ZFYVE9: variants seen among roughly 807,000 people sequenced by gnomAD.
ZFYVE9 encodes the protein zinc finger FYVE-type containing 9.
Under a neutral mutation model 126.7 loss-of-function variants are expected in ZFYVE9, and 43 were observed. That is an observed-to-expected ratio of 0.34 (90% confidence interval 0.27 to 0.44). The LOEUF (loss-of-function observed/expected upper bound fraction) is 0.44. Ranked by LOEUF, ZFYVE9 falls within the 20% of genes least tolerant of loss-of-function variation. The probability of loss-of-function intolerance (pLI) is 1.00; values close to 1 mark genes in which losing one functional copy is unlikely to be tolerated. For missense variants in ZFYVE9, 1,476 were observed against 1,697.0 expected, an observed-to-expected ratio of 0.87 and a Z score of 2.29; for synonymous variants, 521 against 597.4, an observed-to-expected ratio of 0.87 and a Z score of 1.87.
chr1:52,191,108 T>C (rs1325598849), intron 1 of ZFYVE9, among the ~76,000 whole-genome samples: 1 of 152,014 alleles, frequency 6.6e-6, no homozygotes, highest in African/African-American at 2.4e-5. Flanking sequence ...CTGGCTAATT[T>C]TTGTATTTTT....
chr1:52,263,113 C>T (rs995058851), intron 4 of ZFYVE9, among the ~76,000 whole-genome samples: 3 of 144,668 alleles, frequency 2.1e-5, no homozygotes, highest in African/African-American at 7.7e-5. Flanking sequence ...GAAATCTTAA[C>T]AGGAACAAAG....
chr1:52,219,749 T>TTTTG (rs1553126028), intron 2 of ZFYVE9, among the ~76,000 whole-genome samples: 4 of 113,344 alleles, frequency 3.5e-5, no homozygotes, highest in African/African-American at 1.4e-4. Context: ...CCAAGATCTT[T>TTTTG]TGTGTGTGTG....
intron 4 of ZFYVE9, 149 bp downstream of exon 4, chr1:52,239,744 A>G (rs17107118): frequency 5.6e-6 from 5 of 900,310 alleles, no homozygotes; most frequent in Non-Finnish European, 8.0e-6. Flanking sequence ...AAATTTCTAT[A>G]TAAAAAATGA....
At chr1:52,228,376 G>T (rs1645188700) in intron 2 of ZFYVE9, among the ~76,000 whole-genome samples, 1 of 152,112 alleles carries the variant, frequency 6.6e-6, no homozygotes, top group African/African-American at 2.4e-5. Flanking sequence ...GTTTTGTCTA[G>T]AATTTTTTTA....
At position 52,288,524 on chromosome 1, in the gene ZFYVE9, T is replaced by C. The variant is rs533339832; in HGVS notation, c.3026-4929T>C. 4.1e-4 allele frequency among the ~76,000 whole-genome samples: 62 copies of C among 152,364 alleles called. No homozygotes were observed. The South Asian group carries it at 0.013, about 31-fold the overall frequency. On this transcript the variant is annotated intron_variant, in intron 10 of 18. Coordinates refer to ENST00000287727, the MANE Select transcript of ZFYVE9 (RefSeq NM_004799.4). ...ACTAAACTGAGGACATGACCTTTTA[T>C]GAAGTAGTCATGCATAACTGCAGTT... is the stretch of plus-strand genomic sequence containing the variant.
intron 4 of ZFYVE9, among the ~76,000 whole-genome samples, chr1:52,241,091 G>C (rs890496587): frequency 3.5e-4 from 54 of 152,176 alleles, no homozygotes; most frequent in African/African-American, 1.2e-3. Flanking sequence ...ATGGGTAACT[G>C]TGTGAGACAA....
intron 7 of ZFYVE9, among the ~76,000 whole-genome samples, chr1:52,270,556 G>T (rs1001026433): frequency 1.3e-5 from 2 of 152,072 alleles, no homozygotes; most frequent in African/African-American, 4.8e-5. Flanking sequence ...AAGCCACCGC[G>T]CCTGGCCTAT....
chr1:52,232,403 T>C (rs1235163192), intron 2 of ZFYVE9, among the ~76,000 whole-genome samples: 1 of 151,936 alleles, frequency 6.6e-6, no homozygotes, highest in Admixed American at 6.6e-5. Flanking sequence ...AAAGAAATGG[T>C]TTAGAAATGG....
Position 52,199,309 on chromosome 1 carries a change from C to T in ZFYVE9, c.-142-17060C>T, listed in dbSNP as rs112596666. Among the ~76,000 whole-genome samples, 599 of 152,290 alleles carry T rather than the reference C, an allele frequency of 3.9e-3. 12 individuals are homozygous for T. In the South Asian group the frequency reaches 0.043, roughly 11 times the overall value. The stretch of plus-strand genomic sequence containing the variant: ...TGATCTCCTGACCTCGTGATCCACC[C>T]GCCTCGGCTTCCCGAAGTGCTGGGA... On this transcript the variant is annotated intron_variant, in intron 1 of 18. Transcript: ENST00000287727.
intron 15 of ZFYVE9, among the ~76,000 whole-genome samples, chr1:52,336,947 T>TG (rs1646395635): frequency 9.3e-6 from 1 of 107,874 alleles, no homozygotes; most frequent in Non-Finnish European, 1.8e-5. Context: ...AGTCATCTCT[T>TG]AAAAAAAAAA....
At chr1:52,219,301 G>C (rs1410713689) in intron 2 of ZFYVE9, among the ~76,000 whole-genome samples, 1 of 152,128 alleles carries the variant, frequency 6.6e-6, no homozygotes, top group African/African-American at 2.4e-5. Flanking sequence ...TCCTTGGGTA[G>C]CTAAAGGAAG....
chr1:52,340,770 GC>G (rs762350653), intron 17 of ZFYVE9, among the ~76,000 whole-genome samples: 1 of 151,816 alleles, frequency 6.6e-6, no homozygotes, highest in Non-Finnish European at 1.5e-5. Context: ...GCATGGTGGT[GC>G]ACACCTGTAG....
At position 52,272,673 on chromosome 1, in the gene ZFYVE9, C is replaced by CTTTTTTTTTT. The variant is rs58857376; in HGVS notation, c.2626-1780_2626-1771dup. On this transcript the variant is annotated intron_variant, in intron 7 of 18. Coordinates refer to ENST00000287727, the MANE Select transcript of ZFYVE9 (RefSeq NM_004799.4). ...ATGAAATGAAGCTGCTAGAAATAAT[C>CTTTTTTTTTT]TTTTTTTTTTTTTTTTTTTTGAGTC... Among the ~76,000 whole-genome samples, 37 of 121,254 alleles carry CTTTTTTTTTT rather than the reference C, an allele frequency of 3.1e-4. 1 individual carries two copies. The highest frequency in any genetic ancestry group is 1.3e-3 in the African/African-American group (37 of 29,590). The allele number at this position is 121,254 out of a possible 152,430, so 79.5% of individuals were successfully genotyped here.
chr1:52,316,808 A>C (rs1213704451), intron 13 of ZFYVE9, among the ~76,000 whole-genome samples: 1 of 152,216 alleles, frequency 6.6e-6, no homozygotes, highest in African/African-American at 2.4e-5. Context: ...AATCAGCGGG[A>C]CTATGGAAAA....
intron 1 of ZFYVE9, among the ~76,000 whole-genome samples, chr1:52,193,631 G>A (rs574215056): frequency 3.4e-5 from 5 of 146,782 alleles, no homozygotes; most frequent in East Asian, 2.1e-4. Flanking sequence ...TGCTTGAACC[G>A]GGAAGAAGGA....
chr1:52,314,644 C>G (rs1646166179), intron 13 of ZFYVE9, among the ~76,000 whole-genome samples: 1 of 152,118 alleles, frequency 6.6e-6, no homozygotes, highest in Non-Finnish European at 1.5e-5. Flanking sequence ...GTGGTGAAAC[C>G]TGGTCTCTAC....
At chr1:52,240,501 C>G (rs1395463247) in intron 4 of ZFYVE9, among the ~76,000 whole-genome samples, 4 of 152,120 alleles carry the variant, frequency 2.6e-5, no homozygotes, top group Non-Finnish European at 5.9e-5. Flanking sequence ...TTTGGTCCAT[C>G]TGTATTAATT....
intron 1 of ZFYVE9, among the ~76,000 whole-genome samples, chr1:52,168,398 A>G (rs1009315843): frequency 9.9e-5 from 15 of 151,712 alleles, no homozygotes; most frequent in Non-Finnish European, 8.8e-5. Context: ...TGTATTTTCA[A>G]TAGAGACGGG....
In ZFYVE9 at chr1:52,237,682, GC is replaced by G; in HGVS notation, c.266del (p.Ala89ValfsTer8). 6.2e-7 allele frequency: 1 copy of G among 1,614,088 alleles called. No homozygotes were observed. Among genetic ancestry groups the G allele is most frequent in the Non-Finnish European group, 8.5e-7 (1 of 1,179,964 alleles). ...PLTTEEEDHC[A>X]NGQDCNLNPE... ...GACCACAGAGGAAGAGGATCACTGT[GC>G]TAATGGACAGGACTGTAATCTAAAT... On this transcript the variant is annotated frameshift_variant, in exon 4 of 19. Coordinates refer to ENST00000287727, the MANE Select transcript of ZFYVE9 (RefSeq NM_004799.4). LOFTEE classifies it high-confidence loss of function.
Sources: allele counts gnomAD v4.1 joint callset (sites outside exome capture counted in the v4.1 genomes callset), GRCh38; gene constraint gnomAD v4.1.1; transcripts MANE v1.5; gene names NCBI Gene and HGNC (gene_info 2026-07-23, HGNC 2026-07-21).